EQTN: variants seen among roughly 807,000 people sequenced by gnomAD.
EQTN encodes equatorin, also known as Acrosome formation associated factor.
In EQTN, 29 loss-of-function variants were observed where a neutral mutation model predicts 26.9. The ratio of observed to expected loss-of-function variants is 1.08; its 90% confidence interval spans 0.80 to 1.47. EQTN has a LOEUF of 1.47. Among genes scored for constraint, EQTN ranks in the 40% most tolerant of loss-of-function variants. The pLI is 0.00. For synonymous variants in EQTN, 129 were observed against 120.0 expected, an observed-to-expected ratio of 1.07 and a Z score of -0.49; for missense variants, 391 against 346.1, an observed-to-expected ratio of 1.13 and a Z score of -1.03.
rs748086839 is a variant in EQTN at position 27,296,666 on chromosome 9, T to C, written c.149A>G (p.Asn50Ser). 1.3e-6 allele frequency: 2 copies of C among 1,597,314 alleles called. No individual in the cohort carries two copies. Among genetic ancestry groups the C allele is most frequent in the South Asian group, 1.1e-5 (1 of 90,006 alleles). Reference protein sequence around the residue: ...QEEKNEDHTPNYAPANEKNGN... With the variant: ...QEEKNEDHTPSYAPANEKNGN... The stretch of plus-strand genomic sequence containing the variant: ...ATTTTTCTCATTAGCAGGAGCATAA[T>C]TGGGAGTATGATCTTCATTCTTTTC... The change falls in exon 2 of 8, where the codon AAT (asparagine) becomes AGT (serine). Residue 50 changes from asparagine (N) to serine (S), a missense_variant. Coordinates refer to ENST00000380032, the MANE Select transcript of EQTN (RefSeq NM_020641.3).
chr9:27,286,505 C>A, intron 6 of EQTN, 143 bp from the exon 7 acceptor site: 1 of 774,022 alleles, frequency 1.3e-6, no homozygotes, highest in Non-Finnish European at 2.0e-6. Context: ...GCAGGCAATG[C>A]AAAGGAGAAA....
rs1215266941 is a variant in EQTN at position 27,297,044 on chromosome 9, T to C, written c.12A>G (p.Ile4Met). 1.2e-5 allele frequency: 20 copies of C among 1,606,364 alleles called. No homozygotes were observed. Among genetic ancestry groups the C allele is most frequent in the Non-Finnish European group, 1.7e-5 (20 of 1,174,320 alleles). MNF[I>M]LFIFIPGVFS... ...AAACTCCAGGTATAAAAATAAACAA[T>C]ATAAAATTCATTGGGAAATTGAAGT... The change falls in exon 1 of 8, where the codon ATA (isoleucine) becomes ATG (methionine). Residue 4 changes from isoleucine to methionine, a missense_variant. Transcript: ENST00000380032.
chr9:27,294,511 T>A (rs1247320692), intron 2 of EQTN, 109 bp from the exon 3 acceptor site: 3 of 493,760 alleles, frequency 6.1e-6, no homozygotes, highest in African/African-American at 2.1e-5. Flanking sequence ...TAAAAAAAAA[T>A]TAAAAAAGTT....
chr9:27,289,626 AG>A, intron 6 of EQTN, 45 bp downstream of exon 6: 1 of 1,508,784 alleles, frequency 6.6e-7, no homozygotes, highest in Non-Finnish European at 9.1e-7. Context: ...CTGGGATTAT[AG>A]GCATTAGCCA....
Position 27,296,789 on chromosome 9 carries a change from A to T in EQTN, c.77-51T>A, listed in dbSNP as rs746748259. On this transcript the variant is annotated intron_variant, in intron 1 of 7. Transcript: ENST00000380032. ...GATCAGAAATATGTTGATTTCTTTT[A>T]CTGCTTTCTTTTTCTAACTGCATTT... 5.1e-6 allele frequency: 8 copies of T among 1,581,542 alleles called. No individual in the cohort carries two copies. The South Asian group carries it at 9.5e-5, about 19-fold the overall frequency.
chr9:27,289,748 G>T lies in EQTN; in HGVS notation c.422-17C>A. 2 of 1,594,506 alleles carry T rather than the reference G, an allele frequency of 1.3e-6. No individual in the cohort carries two copies. The highest frequency in any genetic ancestry group is 1.1e-5 in the South Asian group (1 of 87,044). ...CATTTATAGCTGTTAAAACAAATTGGGGTTATGGTAAACAACGTTCACTTA... is the reference window on the plus strand; with the variant it reads ...CATTTATAGCTGTTAAAACAAATTGTGGTTATGGTAAACAACGTTCACTTA... On this transcript the variant is annotated splice_polypyrimidine_tract_variant and intron_variant, in intron 5 of 7. Transcript: ENST00000380032.
intron 7 of EQTN, among the ~76,000 whole-genome samples, chr9:27,285,837 G>A (rs764446757): frequency 1.4e-4 from 22 of 152,172 alleles, no homozygotes; most frequent in Non-Finnish European, 1.3e-4. Flanking sequence ...AAAGGTGATA[G>A]AGATTGGCTG....
intron 6 of EQTN, among the ~76,000 whole-genome samples, chr9:27,288,486 A>AC (rs1820164160): frequency 6.6e-6 from 1 of 152,130 alleles, no homozygotes; most frequent in Admixed American, 6.5e-5. Flanking sequence ...ACATACTCTT[A>AC]CCATATGATC....
At chr9:27,292,544 A>G (rs1014133148) in intron 3 of EQTN, 57 bp from the exon 4 acceptor site, 1 of 1,015,976 alleles carries the variant, frequency 9.8e-7, no homozygotes, top group Non-Finnish European at 1.5e-6. Context: ...AACATCTGAG[A>G]ATAGATATTT....
chr9:27,286,333 T>C lies in EQTN; in HGVS notation c.511A>G (p.Asn171Asp). 1 of 1,601,504 alleles carries C rather than the reference T, an allele frequency of 6.2e-7. No homozygotes were observed. The highest frequency in any genetic ancestry group is 8.5e-7 in the Non-Finnish European group (1 of 1,173,392). ...TTCAGATCCTCTAGATCTGGCTGAT[T>C]TTCTCCCTGTGTAGCATTCACATCA... ...ESDVNATQGENQPDLEDLKIK... is the reference protein window; with the variant it reads ...ESDVNATQGEDQPDLEDLKIK... Residue 171 changes from asparagine to aspartate, a missense_variant, in exon 7 of 8, where the codon AAT (asparagine) becomes GAT (aspartate). Coordinates refer to ENST00000380032, the MANE Select transcript of EQTN (RefSeq NM_020641.3).
At chr9:27,296,130 G>A (rs1410123098) in intron 2 of EQTN, among the ~76,000 whole-genome samples, 4 of 151,924 alleles carry the variant, frequency 2.6e-5, no homozygotes, top group Non-Finnish European at 4.4e-5. Context: ...ATGAAACACC[G>A]TTTCTACAAA....
chr9:27,286,499 G>A, intron 6 of EQTN, 137 bp from the exon 7 acceptor site: 2 of 797,236 alleles, frequency 2.5e-6, no homozygotes, highest in African/African-American at 1.7e-5. Flanking sequence ...CATCCCGCAG[G>A]CAATGCAAAG....
At chr9:27,287,719 C>T (rs891902889) in intron 6 of EQTN, among the ~76,000 whole-genome samples, 1 of 152,158 alleles carries the variant, frequency 6.6e-6, no homozygotes, top group Admixed American at 6.5e-5. Context: ...GGAGAAATGA[C>T]ACAGTATTTA....
intron 6 of EQTN, 59 bp from the exon 7 acceptor site, chr9:27,286,421 T>C: frequency 1.3e-6 from 2 of 1,504,406 alleles, no homozygotes; most frequent in Admixed American, 2.0e-5. Context: ...CCTGAAGGAG[T>C]AAAGATTGCA....
At chr9:27,291,183 A>C in intron 4 of EQTN, 120 bp from the exon 5 acceptor site, 3 of 826,442 alleles carry the variant, frequency 3.6e-6, no homozygotes, top group South Asian at 1.8e-5. Flanking sequence ...AGCTCCTATA[A>C]TGTGTCAGAC....
chr9:27,285,038 A>G, intron 7 of EQTN, 66 bp from the exon 8 acceptor site: 23 of 1,423,052 alleles, frequency 1.6e-5, no homozygotes, highest in Non-Finnish European at 2.1e-5. Context: ...CTCAGCTTAG[A>G]AAAGCATTCA....
chr9:27,291,804 T>A (rs1376829568), intron 4 of EQTN, among the ~76,000 whole-genome samples: 5 of 152,032 alleles, frequency 3.3e-5, no homozygotes, highest in Non-Finnish European at 2.9e-5. Flanking sequence ...CTGGAGAAAA[T>A]AGGGTTTCAT....
At chr9:27,289,795 G>T in intron 5 of EQTN, 64 bp from the exon 6 acceptor site, 1 of 1,256,532 alleles carries the variant, frequency 8.0e-7, no homozygotes, top group Non-Finnish European at 1.1e-6. Context: ...GCCTGTGTAT[G>T]TATGTGTATG....
intron 2 of EQTN, among the ~76,000 whole-genome samples, chr9:27,295,501 C>T (rs1820316985): frequency 6.6e-6 from 1 of 152,142 alleles, no homozygotes; most frequent in African/African-American, 2.4e-5. Flanking sequence ...CTACTTTATG[C>T]CATACACAAA....
Sources: gnomAD v4.1 joint callset for allele counts (sites outside exome capture counted in the v4.1 genomes callset) on GRCh38, gnomAD v4.1.1 for gene constraint, MANE v1.5 for transcripts, NCBI Gene and HGNC (gene_info 2026-07-23, HGNC 2026-07-21) for gene names.